NXPH1: variants seen among roughly 807,000 people sequenced by gnomAD.
NXPH1 encodes the protein neurexophilin 1.
A neutral mutation model predicts 23.7 loss-of-function variants in NXPH1; 5 were observed. The observed-to-expected ratio is 0.21, with a 90% confidence interval of 0.11 to 0.44. NXPH1 has a LOEUF of 0.44. Ranked by LOEUF, NXPH1 falls within the 20% of genes least tolerant of loss-of-function variation. The pLI is 0.99. For synonymous variants in NXPH1, 144 were observed against 122.2 expected (o/e 1.18, Z -1.18); for missense variants, 324 against 321.6 (o/e 1.01, Z -0.06).
chr7:8,708,167 C>G (rs148306937), intron 2 of NXPH1, among the ~76,000 whole-genome samples: 1 of 152,032 alleles, frequency 6.6e-6, no homozygotes. Context: ...ATTCTTAATT[C>G]TTTTCTTCAC....
intron 2 of NXPH1, among the ~76,000 whole-genome samples, chr7:8,737,869 T>G (rs1780289154): frequency 6.6e-6 from 1 of 152,232 alleles, no homozygotes. Context: ...CTTCACACTT[T>G]ATTTCATTAA....
In NXPH1 at chr7:8,435,813, G is replaced by C; in HGVS notation, c.54+46G>C. Reference sequence around the variant, plus strand: ...GGCTTTCGCATTTTTACCCCGGCCGGGAGGCAAGGAAACTGGGGACACGCG... The same window carrying C: ...GGCTTTCGCATTTTTACCCCGGCCGCGAGGCAAGGAAACTGGGGACACGCG... On this transcript the variant is annotated intron_variant, in intron 2 of 2. Coordinates refer to ENST00000405863, the MANE Select transcript of NXPH1 (RefSeq NM_152745.3). The surrounding 1 kb of genome is among the most constrained non-coding windows in gnomAD (Gnocchi z 5.9). 6.3e-7 allele frequency: 1 copy of C among 1,580,292 alleles called. No homozygotes were observed. The highest frequency in any genetic ancestry group is 8.7e-7 in the Non-Finnish European group (1 of 1,149,584).
At chr7:8,451,075 A>G (rs1384709309) in intron 2 of NXPH1, among the ~76,000 whole-genome samples, 1 of 151,798 alleles carries the variant, frequency 6.6e-6, no homozygotes, top group Non-Finnish European at 1.5e-5. Flanking sequence ...TGCACTGTGG[A>G]AGAATATGCA....
intron 2 of NXPH1, among the ~76,000 whole-genome samples, chr7:8,581,900 C>T (rs1392938012): frequency 6.6e-6 from 1 of 152,270 alleles, no homozygotes; most frequent in East Asian, 1.9e-4. Flanking sequence ...CCTCTGTGGC[C>T]AGTTGCATCT....
chr7:8,482,317 A>G (rs893840886), intron 2 of NXPH1, among the ~76,000 whole-genome samples: 2 of 152,054 alleles, frequency 1.3e-5, no homozygotes, highest in African/African-American at 2.4e-5. Flanking sequence ...GGGTGGCTTC[A>G]TTTCCCTTTC....
At chr7:8,716,528 T>C (rs1413912281) in intron 2 of NXPH1, among the ~76,000 whole-genome samples, 1 of 152,216 alleles carries the variant, frequency 6.6e-6, no homozygotes, top group Non-Finnish European at 1.5e-5. Flanking sequence ...CAGACAGCAA[T>C]AATTCAAAAG....
intron 2 of NXPH1, among the ~76,000 whole-genome samples, chr7:8,612,559 T>G (rs116552070): frequency 4.5e-4 from 68 of 152,212 alleles, no homozygotes; most frequent in African/African-American, 1.5e-3. Flanking sequence ...ATGTGCTAAG[T>G]TATAAGAGAG....
chr7:8,477,625 T>A (rs1816998672), intron 2 of NXPH1, among the ~76,000 whole-genome samples: 1 of 151,878 alleles, frequency 6.6e-6, no homozygotes, highest in African/African-American at 2.4e-5. Context: ...CTAGATTTAA[T>A]GGCACTTTGG....
At chr7:8,496,785 C>T (rs987502198) in intron 2 of NXPH1, among the ~76,000 whole-genome samples, 1 of 151,994 alleles carries the variant, frequency 6.6e-6, no homozygotes, top group Admixed American at 6.6e-5. Context: ...AAAGTAGTTT[C>T]CTTTTCTTAT....
chr7:8,678,715 A>G (rs1820995349), intron 2 of NXPH1, among the ~76,000 whole-genome samples: 1 of 151,892 alleles, frequency 6.6e-6, no homozygotes, highest in Non-Finnish European at 1.5e-5. Flanking sequence ...TGCTCGTGTC[A>G]TTTAGGCTAT....
chr7:8,658,240 C>A (rs1047179041), intron 2 of NXPH1, among the ~76,000 whole-genome samples: 3 of 152,204 alleles, frequency 2.0e-5, no homozygotes, highest in African/African-American at 7.2e-5. Context: ...TTAATACACT[C>A]TCTCAGTGCC....
chr7:8,701,721 C>G (rs1233885069), intron 2 of NXPH1, among the ~76,000 whole-genome samples: 4 of 152,026 alleles, frequency 2.6e-5, no homozygotes, highest in Non-Finnish European at 5.9e-5. Context: ...ATCCTCAGAA[C>G]CTAGCATTTG....
intron 2 of NXPH1, among the ~76,000 whole-genome samples, chr7:8,659,676 A>G (rs1180913842): frequency 5.3e-5 from 8 of 152,254 alleles, no homozygotes; most frequent in Admixed American, 5.2e-4. Context: ...GCACATGTGT[A>G]CATATGTAAC....
At chr7:8,592,509 T>TA (rs1459414107) in intron 2 of NXPH1, among the ~76,000 whole-genome samples, 1 of 152,048 alleles carries the variant, frequency 6.6e-6, no homozygotes, top group African/African-American at 2.4e-5. Flanking sequence ...TATAGCTTCT[T>TA]ACAAAGCAAT....
intron 2 of NXPH1, among the ~76,000 whole-genome samples, chr7:8,560,652 T>C (rs1183751143): frequency 6.6e-6 from 1 of 151,712 alleles, no homozygotes. Flanking sequence ...CGTCTGGTTC[T>C]ATAACTTCCT....
intron 2 of NXPH1, among the ~76,000 whole-genome samples, chr7:8,692,339 A>G (rs889987202): frequency 2.6e-5 from 4 of 152,160 alleles, no homozygotes; most frequent in African/African-American, 9.7e-5. Context: ...AAGCTATTGC[A>G]CCACCAGTGA....
chr7:8,671,279 A>G (rs766727983), intron 2 of NXPH1, among the ~76,000 whole-genome samples: 7 of 152,244 alleles, frequency 4.6e-5, no homozygotes, highest in Non-Finnish European at 8.8e-5. Context: ...ATGTTTGACT[A>G]AGATTTTATC....
At chr7:8,743,109 G>T (rs1204772983) in intron 2 of NXPH1, among the ~76,000 whole-genome samples, 1 of 152,094 alleles carries the variant, frequency 6.6e-6, no homozygotes, top group African/African-American at 2.4e-5. Context: ...CCACTAAAAT[G>T]AAGTTGTAAT....
At chr7:8,655,262 A>G (rs925911517) in intron 2 of NXPH1, among the ~76,000 whole-genome samples, 7 of 152,020 alleles carry the variant, frequency 4.6e-5, no homozygotes, top group Admixed American at 3.3e-4. Context: ...GCATGTGTCC[A>G]TAGTCTTAGC....
Sources: allele counts gnomAD v4.1 joint callset (sites outside exome capture counted in the v4.1 genomes callset), GRCh38; gene constraint gnomAD v4.1.1; non-coding constraint Gnocchi (gnomAD v3.1); transcripts MANE v1.5; gene names NCBI Gene and HGNC (gene_info 2026-07-23, HGNC 2026-07-21).